PCDH11X: variants seen among roughly 807,000 people sequenced by gnomAD.
The protein encoded by PCDH11X is protocadherin 11 X-linked, also known as protocadherin-11 X-linked.
PCDH11X carries 18 observed loss-of-function variants against 53.3 expected under a neutral mutation model. The observed-to-expected ratio is 0.34, with a 90% CI of 0.23 to 0.50. The LOEUF is 0.50. Ranked by LOEUF, PCDH11X falls within the 20% of genes least tolerant of loss-of-function variation. The pLI is 0.98. For missense variants in PCDH11X, 570 were observed against 1,032.4 expected, an observed-to-expected ratio of 0.55 and a Z score of 6.14; for synonymous variants, 279 against 393.3, an observed-to-expected ratio of 0.71 and a Z score of 3.44.
chrX:92,266,057 G>A (rs2148419707), intron 8 of PCDH11X, among the ~76,000 whole-genome samples: 1 of 111,162 alleles, frequency 9.0e-6, no homozygotes, highest in South Asian at 3.8e-4. Context: ...TGGAGATTAG[G>A]TCTGTGCTCT....
intron 8 of PCDH11X, among the ~76,000 whole-genome samples, chrX:92,348,624 C>T (rs1363153202): frequency 4.6e-5 from 5 of 107,942 alleles, no homozygotes; most frequent in Non-Finnish European, 9.6e-5. Flanking sequence ...GCAAACTCTG[C>T]CTCCTGCTTT....
In PCDH11X at chrX:92,002,914, T is replaced by A. The variant is rs1350327860; in HGVS notation, c.3033+123641T>A. Among the ~76,000 whole-genome samples, 8 of 102,324 alleles carry A rather than the reference T, an allele frequency of 7.8e-5. 1 individual carries two copies. Among genetic ancestry groups the A allele is most frequent in the East Asian group, 6.4e-4 (2 of 3,101 alleles). 88.9% of individuals were successfully genotyped at this position (102,324 alleles called of 115,157 possible). On this transcript the variant is annotated intron_variant, in intron 6 of 10. Transcript: ENST00000682573. ...TATGGCTCATTGCTCCAGCTGGAAC[T>A]TCCAGTGCTATGTTGAATAACAGTA...
chrX:92,534,727 A>G (rs1417785004), intron 10 of PCDH11X, among the ~76,000 whole-genome samples: 1 of 111,784 alleles, frequency 8.9e-6, no homozygotes, highest in Non-Finnish European at 1.9e-5. Context: ...TCTACAAGCC[A>G]GAAGAGAGTG....
In PCDH11X at chrX:92,298,988, C is replaced by A. The variant is rs750721353; in HGVS notation, c.3144+35845C>A. Among the ~76,000 whole-genome samples the A allele has an allele frequency of 2.8e-4, 31 of 111,469 alleles. 1 individual carries two copies. Among genetic ancestry groups the A allele is most frequent in the Admixed American group, 2.6e-3 (27 of 10,494 alleles). On this transcript the variant is annotated intron_variant, in intron 8 of 10. Coordinates refer to ENST00000682573, the MANE Select transcript of PCDH11X (RefSeq NM_032968.5). ...TAAGATCTGAGTCCTGAAGACCTTCCTCTGGAGCCTCAGTAAATTTACTTA... is the reference window on the plus strand; with the variant it reads ...TAAGATCTGAGTCCTGAAGACCTTCATCTGGAGCCTCAGTAAATTTACTTA...
chrX:92,040,477 C>G lies in PCDH11X; in HGVS notation c.3034-160898C>G, dbSNP rs1016140880. Among the ~76,000 whole-genome samples, 6 of 110,470 alleles carry G rather than the reference C, an allele frequency of 5.4e-5. No individual in the cohort carries two copies. The Admixed American group carries it at 5.8e-4, about 11-fold the overall frequency. ...GACAGGGCAGCACTGAGTCCAATGC[C>G]GAGTCCTCCAGTCGCTGTTGTTTCT... On this transcript the variant is annotated intron_variant, in intron 6 of 10. Coordinates refer to ENST00000682573, the MANE Select transcript of PCDH11X (RefSeq NM_032968.5).
rs1050294185 is a variant in PCDH11X at position 91,825,396 on chromosome X, C to T, written c.-44-10065C>T. ...CTCGTGGTGCGCCGTTTTTTAAGCC[C>T]GTCGGAAAAGCACAGTATTCGGGTG... On this transcript the variant is annotated intron_variant, in intron 4 of 10. Transcript: ENST00000682573. Among the ~76,000 whole-genome samples, 8 of 111,464 alleles carry T rather than the reference C, an allele frequency of 7.2e-5. No individual in the cohort carries two copies. In the East Asian group the frequency reaches 8.6e-4, roughly 12 times the overall value.
chrX:92,537,507 A>T (rs1372705574), intron 10 of PCDH11X, among the ~76,000 whole-genome samples: 1 of 110,920 alleles, frequency 9.0e-6, no homozygotes, highest in Non-Finnish European at 1.9e-5. Flanking sequence ...AGAGAAAAAC[A>T]ATCCTAAAAT....
chrX:92,317,671 C>T (rs373277137), intron 8 of PCDH11X, among the ~76,000 whole-genome samples: 9 of 111,349 alleles, frequency 8.1e-5, no homozygotes, highest in African/African-American at 1.3e-4. Flanking sequence ...AGATTTTTTT[C>T]GGTCATTAAT....
intron 10 of PCDH11X, among the ~76,000 whole-genome samples, chrX:92,572,288 A>C (rs1324715908): frequency 3.6e-5 from 4 of 110,347 alleles, no homozygotes; most frequent in Admixed American, 2.0e-4. Context: ...CGTCTTATGT[A>C]ATGGATGTGA....
At chrX:92,122,367 T>G (rs2064786668) in intron 6 of PCDH11X, among the ~76,000 whole-genome samples, 1 of 111,470 alleles carries the variant, frequency 9.0e-6, no homozygotes, top group South Asian at 3.7e-4. Flanking sequence ...ATGAAACTAT[T>G]TGGGAAACAA....
At chrX:92,569,458 G>T (rs1346707796) in intron 10 of PCDH11X, among the ~76,000 whole-genome samples, 2 of 107,708 alleles carry the variant, frequency 1.9e-5, no homozygotes, top group African/African-American at 6.7e-5. Flanking sequence ...TGCACACTCA[G>T]ATAAAATTGT....
intron 9 of PCDH11X, among the ~76,000 whole-genome samples, chrX:92,456,215 C>A (rs1424599878): frequency 9.0e-6 from 1 of 111,441 alleles, no homozygotes; most frequent in Non-Finnish European, 1.9e-5. Context: ...ATAGGACTGG[C>A]TTATAGTTTA....
intron 7 of PCDH11X, among the ~76,000 whole-genome samples, chrX:92,239,510 G>A (rs2067227333): frequency 9.0e-6 from 1 of 111,241 alleles, no homozygotes; most frequent in African/African-American, 3.3e-5. Flanking sequence ...CTGATGCAGA[G>A]GAACTGTAAA....
chrX:92,338,174 T>G (rs1375759890), intron 8 of PCDH11X, among the ~76,000 whole-genome samples: 26 of 112,055 alleles, frequency 2.3e-4, no homozygotes, highest in Admixed American at 1.8e-3. Flanking sequence ...AACAATAAAT[T>G]AAGCTGACAA....
intron 5 of PCDH11X, among the ~76,000 whole-genome samples, chrX:91,867,606 G>T (rs1470155829): frequency 1.8e-5 from 2 of 109,635 alleles, no homozygotes; most frequent in Non-Finnish European, 3.8e-5. Context: ...AACATCTCCA[G>T]ATATATCCCA....
At position 91,883,257 on chromosome X, in the gene PCDH11X, G is replaced by A. The variant is rs1240512511; in HGVS notation, c.3033+3984G>A. ...AGGCTGTCTTGGTGTATACACTTAT[G>A]GTTAATATATCAGTCATGAAACATG... is the stretch of plus-strand genomic sequence containing the variant. On this transcript the variant is annotated intron_variant, in intron 6 of 10. Transcript: ENST00000682573. 42 of 788,294 alleles carry A rather than the reference G, an allele frequency of 5.3e-5. No individual in the cohort carries two copies. In the African/African-American group the frequency reaches 1.0e-3, roughly 20 times the overall value. 65.0% of individuals were successfully genotyped at this position (788,294 alleles called of 1,213,427 possible).
chrX:92,030,219 T>C (rs1429626088), intron 6 of PCDH11X, among the ~76,000 whole-genome samples: 15 of 112,013 alleles, frequency 1.3e-4, no homozygotes, highest in African/African-American at 4.9e-4. Flanking sequence ...CCTTGGCCTC[T>C]CAAAGTGCTG....
intron 6 of PCDH11X, among the ~76,000 whole-genome samples, chrX:92,094,487 G>T (rs2064102989): frequency 9.0e-6 from 1 of 110,698 alleles, no homozygotes; most frequent in African/African-American, 3.3e-5. Flanking sequence ...CTATCTTTGA[G>T]GATATACAGG....
chrX:91,931,682 A>T (rs1223371230), intron 6 of PCDH11X, among the ~76,000 whole-genome samples: 8 of 109,844 alleles, frequency 7.3e-5, no homozygotes, highest in Admixed American at 1.9e-4. Context: ...TTTTGTCAGG[A>T]GTTGAGTTCA....
Sources: allele counts gnomAD v4.1 joint callset (sites outside exome capture counted in the v4.1 genomes callset), GRCh38; gene constraint gnomAD v4.1.1; transcripts MANE v1.5; gene names NCBI Gene and HGNC (gene_info 2026-07-23, HGNC 2026-07-21).